The following PLEKHA1 variants were observed in gnomAD, a reference collection of about 807,000 sequenced individuals.
PLEKHA1 encodes the protein pleckstrin homology domain-containing family A member 1.
Under a neutral mutation model 52.0 loss-of-function variants are expected in PLEKHA1, and 34 were observed. The observed-to-expected ratio is 0.65, with a 90% confidence interval of 0.50 to 0.87. PLEKHA1 has a LOEUF of 0.87. Among genes scored for constraint, PLEKHA1 ranks in the 40% least tolerant of loss-of-function variants. The pLI, the probability that PLEKHA1 is intolerant of heterozygous loss-of-function variation, is 0.00. For synonymous variants in PLEKHA1, 163 were observed against 170.7 expected (o/e 0.95, Z 0.35); for missense variants, 497 against 504.2 (o/e 0.99, Z 0.14).
chr10:122,384,877 G>C (rs2096666528), intron 1 of PLEKHA1, among the ~76,000 whole-genome samples: 1 of 152,088 alleles, frequency 6.6e-6, no homozygotes, highest in Admixed American at 6.5e-5. Flanking sequence ...AATTGCTTGA[G>C]CCTGTGAGGT....
At chr10:122,378,816 A>G (rs1282503648) in intron 1 of PLEKHA1, among the ~76,000 whole-genome samples, 2 of 151,330 alleles carry the variant, frequency 1.3e-5, no homozygotes, top group African/African-American at 4.8e-5. Context: ...TCTCATATAT[A>G]TTCAATTTAA....
intron 6 of PLEKHA1, among the ~76,000 whole-genome samples, chr10:122,414,845 G>A (rs1268803158): frequency 2.6e-5 from 4 of 151,962 alleles, no homozygotes; most frequent in Non-Finnish European, 5.9e-5. Flanking sequence ...GTTGCTGGTG[G>A]GAATGAAAAT....
downstream of PLEKHA1, chr10:122,434,329 A>G (rs1461325873): frequency 6.6e-6 from 1 of 152,194 alleles, no homozygotes; most frequent in African/African-American, 2.4e-5. Context: ...TCAAGGAAAA[A>G]TACTGCCTTT....
chr10:122,405,532 G>T (rs1186268366), intron 4 of PLEKHA1, among the ~76,000 whole-genome samples: 1 of 151,264 alleles, frequency 6.6e-6, no homozygotes, highest in Admixed American at 6.6e-5. Context: ...TTTGAACAAG[G>T]TACAATTATT....
intron 1 of PLEKHA1, among the ~76,000 whole-genome samples, chr10:122,389,503 C>G (rs1363534277): frequency 6.6e-6 from 1 of 152,176 alleles, no homozygotes; most frequent in African/African-American, 2.4e-5. Context: ...AGTTTGAGAG[C>G]AGCCCGGCCA....
intron 1 of PLEKHA1, among the ~76,000 whole-genome samples, chr10:122,380,338 G>T (rs746075924): frequency 2.4e-4 from 36 of 152,196 alleles, no homozygotes; most frequent in Non-Finnish European, 4.1e-4. Context: ...ACATTACAGT[G>T]TGGGGAAACA....
intron 1 of PLEKHA1, among the ~76,000 whole-genome samples, chr10:122,392,764 A>G (rs1309922776): frequency 3.3e-5 from 5 of 152,214 alleles, no homozygotes; most frequent in African/African-American, 1.2e-4. Flanking sequence ...TACAGAGCCT[A>G]GCATGTAGCA....
intron 7 of PLEKHA1, 145 bp from the exon 8 acceptor site, chr10:122,417,755 A>C (rs1200997590): frequency 1.2e-5 from 7 of 565,660 alleles, no homozygotes; most frequent in Non-Finnish European, 1.9e-5. Context: ...GATGAGGTTT[A>C]ATTTATCGCA....
At chr10:122,414,020 C>T (rs567097402) in intron 6 of PLEKHA1, among the ~76,000 whole-genome samples, 25 of 152,030 alleles carry the variant, frequency 1.6e-4, no homozygotes, top group African/African-American at 6.0e-4. Flanking sequence ...TTATGCTTGG[C>T]AAAGGGTATG....
intron 5 of PLEKHA1, chr10:122,412,364 T>C (rs1288972978): frequency 6.6e-6 from 1 of 152,234 alleles, no homozygotes; most frequent in Non-Finnish European, 1.5e-5. Context: ...CTTTCAACAT[T>C]TATTGAATAC....
rs79462224 is a variant in PLEKHA1, at chr10:122,426,678, T to C, written c.811-264T>C. The stretch of plus-strand genomic sequence containing the variant: ...GTTTTTCTTGGACTTCCTCCTCTCC[T>C]TGTTTTCTGTCTGGAGGTATTCATT... On this transcript the variant is annotated intron_variant, in intron 10 of 11. Coordinates refer to ENST00000368990, the MANE Select transcript of PLEKHA1 (RefSeq NM_001001974.4). Among the ~76,000 whole-genome samples the C allele has an allele frequency of 6.4e-3, 973 of 152,308 alleles. 11 individuals are homozygous for C. Among genetic ancestry groups the C allele is most frequent in the African/African-American group, 0.021 (887 of 41,576 alleles).
rs1432090412 is a variant in PLEKHA1 at position 122,417,943 on chromosome 10, C to T, written c.656C>T (p.Thr219Ile). ...KRRYFQLDEN[T>I]IGYFKSELEK... is the part of the protein sequence containing the mutation. ...AGATATTTTCAATTGGATGAAAACACAATAGGCTACTTCAAATCTGAACTG... is the reference window on the plus strand; with the variant it reads ...AGATATTTTCAATTGGATGAAAACATAATAGGCTACTTCAAATCTGAACTG... Residue 219 changes from threonine to isoleucine, a missense_variant, in exon 8 of 12, where the codon ACA becomes ATA. Transcript: ENST00000368990. The T allele has an allele frequency of 6.2e-7, 1 of 1,611,728 alleles. No individual in the cohort carries two copies. The highest frequency in any genetic ancestry group is 8.5e-7 in the Non-Finnish European group (1 of 1,178,212).
chr10:122,416,598 A>G (rs781198098), intron 7 of PLEKHA1, among the ~76,000 whole-genome samples: 8 of 152,222 alleles, frequency 5.3e-5, no homozygotes, highest in Non-Finnish European at 1.2e-4. Context: ...AAAAGCTGTT[A>G]TGGGTTAGCC....
chr10:122,426,098 A>G (rs2097334999), intron 10 of PLEKHA1, among the ~76,000 whole-genome samples: 1 of 152,194 alleles, frequency 6.6e-6, no homozygotes, highest in East Asian at 1.9e-4. Flanking sequence ...TCATGTGCAT[A>G]GTTTTTGTAC....
chr10:122,420,452 C>T (rs1198397129), intron 8 of PLEKHA1: 1 of 152,108 alleles, frequency 6.6e-6, no homozygotes, highest in African/African-American at 2.4e-5. Flanking sequence ...CATGGCTCAG[C>T]TTGTCTTGTT....
At chr10:122,423,786 T>A (rs1186023963) in intron 8 of PLEKHA1, 1 of 162,820 alleles carries the variant, frequency 6.1e-6, no homozygotes, top group African/African-American at 2.4e-5. Flanking sequence ...AAAGTGATAT[T>A]TGTAAAATCA....
chr10:122,425,634 T>A (rs2097327599), intron 10 of PLEKHA1: 2 of 146,312 alleles, frequency 1.4e-5, no homozygotes, highest in African/African-American at 5.1e-5. Flanking sequence ...GGCACGAGAA[T>A]CGCTTGAACC....
At chr10:122,432,435 G>T (rs1204335730), downstream of PLEKHA1, 8 of 152,260 alleles carry the variant, frequency 5.3e-5, no homozygotes, top group Admixed American at 3.9e-4. Context: ...ATTGACTTCA[G>T]TTTACATATT....
chr10:122,428,746 A>T (rs1455164941), intron 11 of PLEKHA1, among the ~76,000 whole-genome samples: 1 of 152,206 alleles, frequency 6.6e-6, no homozygotes, highest in Non-Finnish European at 1.5e-5. Context: ...TGGCATTTAA[A>T]AATCTCTGAA....
Sources: allele counts gnomAD v4.1 joint callset (sites outside exome capture counted in the v4.1 genomes callset), GRCh38; gene constraint gnomAD v4.1.1; transcripts MANE v1.5; gene names NCBI Gene and HGNC (gene_info 2026-07-23, HGNC 2026-07-21).